The following PSMB3 variants were observed in gnomAD, a reference collection of about 807,000 sequenced individuals.
PSMB3 encodes the protein proteasome 20S subunit beta 3, also known as proteasome subunit beta type-3.
In PSMB3, 5 loss-of-function variants were observed where a neutral mutation model predicts 23.3. The observed-to-expected ratio is 0.21, with a 90% CI of 0.11 to 0.45. PSMB3 has a LOEUF of 0.45. PSMB3 is among the 20% of genes least tolerant of loss of function. The pLI is 0.99. For missense variants in PSMB3, 192 were observed against 277.9 expected (o/e 0.69, Z 2.20); for synonymous variants, 85 against 99.8 (o/e 0.85, Z 0.88).
At chr17:38,755,829 G>C in intron 2 of PSMB3, 54 bp from the exon 3 acceptor site, 1 of 1,453,728 alleles carries the variant, frequency 6.9e-7, no homozygotes. Flanking sequence ...CAACAGGGTA[G>C]ACACTCAGGA....
intron 2 of PSMB3, among the ~76,000 whole-genome samples, chr17:38,755,046 C>T (rs1908096357): frequency 6.7e-6 from 1 of 148,688 alleles, no homozygotes; most frequent in Non-Finnish European, 1.5e-5. Flanking sequence ...ATAAACTTAA[C>T]TCACTGCAAC....
chr17:38,763,214 C>A (rs1241769887), intron 5 of PSMB3, among the ~76,000 whole-genome samples: 1 of 151,940 alleles, frequency 6.6e-6, no homozygotes, highest in Non-Finnish European at 1.5e-5. Flanking sequence ...ATTAGCCAGA[C>A]GTGGTGTCAC....
Position 38,752,954 on chromosome 17 carries a change from C to A in PSMB3, c.3+125C>A. On this transcript the variant is annotated intron_variant, in intron 1 of 5. Coordinates refer to ENST00000619426, the MANE Select transcript of PSMB3 (RefSeq NM_002795.4). This position sits in a 1 kb window ranked among gnomAD's most constrained non-coding sequence, Gnocchi z 5.5. ...GGAAGCGGTTTCAGTTCGAGGGGAG[C>A]GGGCCCCGGTGAGGACCAAGAGGGT... 7.0e-7 allele frequency: 1 copy of A among 1,429,032 alleles called. No homozygotes were observed. The highest frequency in any genetic ancestry group is 9.6e-7 in the Non-Finnish European group (1 of 1,039,434). 88.5% of individuals were successfully genotyped at this position (1,429,032 alleles called of 1,614,324 possible). A position where few individuals can be genotyped will look rare whatever the true frequency, so the allele number is the denominator to read the frequency against.
chr17:38,760,286 G>GTGTAGA, intron 3 of PSMB3, 145 bp from the exon 4 acceptor site: 1 of 754,564 alleles, frequency 1.3e-6, no homozygotes, highest in Non-Finnish European at 2.1e-6. Flanking sequence ...GAGGGAGCTG[G>GTGTAGA]CCTCAGGGAA....
At chr17:38,760,273 G>A in intron 3 of PSMB3, 158 bp from the exon 4 acceptor site, 1 of 661,586 alleles carries the variant, frequency 1.5e-6, no homozygotes, top group Non-Finnish European at 2.5e-6. Context: ...GCAGGAGAAG[G>A]GAGAGGGAGC....
intron 3 of PSMB3, among the ~76,000 whole-genome samples, chr17:38,758,777 T>C (rs1456643060): frequency 6.6e-6 from 1 of 152,208 alleles, no homozygotes; most frequent in Non-Finnish European, 1.5e-5. Context: ...CCTGGAGCAT[T>C]GGCTCACGCC....
chr17:38,755,811 C>T, intron 2 of PSMB3, 72 bp from the exon 3 acceptor site: 2 of 1,297,114 alleles, frequency 1.5e-6, no homozygotes, highest in Non-Finnish European at 2.2e-6. Flanking sequence ...CTTATGTTTC[C>T]CTGACCTCAA....
intron 2 of PSMB3, among the ~76,000 whole-genome samples, chr17:38,755,631 G>A (rs1049411428): frequency 1.5e-5 from 2 of 134,274 alleles, no homozygotes; most frequent in Non-Finnish European, 3.1e-5. Context: ...CCTGGGCGAC[G>A]AGTGAGACTC....
At chr17:38,762,576 C>T in intron 5 of PSMB3, 71 bp downstream of exon 5, 1 of 1,429,260 alleles carries the variant, frequency 7.0e-7, no homozygotes. Flanking sequence ...CACGAGCATA[C>T]ACCCCATTTT....
intron 5 of PSMB3, among the ~76,000 whole-genome samples, chr17:38,763,019 T>A (rs1272887497): frequency 6.6e-6 from 1 of 152,184 alleles, no homozygotes; most frequent in African/African-American, 2.4e-5. Context: ...CATTGCAGGA[T>A]AAGCATTTGG....
intron 2 of PSMB3, among the ~76,000 whole-genome samples, 176 bp from the exon 3 acceptor site, chr17:38,755,707 T>C (rs567436340): frequency 1.0e-4 from 14 of 140,492 alleles, no homozygotes; most frequent in African/African-American, 2.6e-4. Context: ...TGTGTGTGTG[T>C]GTGTGTGTGC....
intron 3 of PSMB3, among the ~76,000 whole-genome samples, chr17:38,758,984 T>A: frequency 6.6e-6 from 1 of 152,212 alleles, no homozygotes; most frequent in South Asian, 2.1e-4. Flanking sequence ...AGGCAGAGCT[T>A]GCAGTGAGCC....
At chr17:38,754,853 C>T (rs1410791194) in intron 2 of PSMB3, among the ~76,000 whole-genome samples, 1 of 152,202 alleles carries the variant, frequency 6.6e-6, no homozygotes, top group East Asian at 1.9e-4. Context: ...TGGCATTGGT[C>T]TGCTCTATGC....
At chr17:38,757,831 T>C (rs1435851886) in intron 3 of PSMB3, among the ~76,000 whole-genome samples, 1 of 152,122 alleles carries the variant, frequency 6.6e-6, no homozygotes, top group Non-Finnish European at 1.5e-5. Context: ...AATTTTTTAA[T>C]TTTTAGTAGA....
chr17:38,755,002 C>CTTTTT (rs144817163), intron 2 of PSMB3, among the ~76,000 whole-genome samples: 5 of 147,754 alleles, frequency 3.4e-5, no homozygotes, highest in African/African-American at 4.9e-5. Flanking sequence ...GGTGCTGCCC[C>CTTTTT]CTTTTTTTTT....
intron 5 of PSMB3, 111 bp from the exon 6 acceptor site, chr17:38,764,008 C>G (rs1908568675): frequency 5.5e-6 from 7 of 1,268,656 alleles, no homozygotes; most frequent in Non-Finnish European, 7.9e-6. Flanking sequence ...GCTATTTGTT[C>G]TGCTCCCTTG....
At position 38,762,401 on chromosome 17, in the gene PSMB3, C is replaced by T; in HGVS notation, c.475-10C>T. On this transcript the variant is annotated splice_polypyrimidine_tract_variant and intron_variant, in intron 4 of 5. Coordinates refer to ENST00000619426, the MANE Select transcript of PSMB3 (RefSeq NM_002795.4). Reference sequence around the variant, plus strand: ...GGCTGTGGTTTGAAGGGGTTCCACTCTGTTGGCAGGATCCGGATCACCTGT... The same window carrying T: ...GGCTGTGGTTTGAAGGGGTTCCACTTTGTTGGCAGGATCCGGATCACCTGT... 6.2e-7 allele frequency: 1 copy of T among 1,612,680 alleles called. No homozygotes were observed. Among genetic ancestry groups the T allele is most frequent in the Non-Finnish European group, 8.5e-7 (1 of 1,178,640 alleles).
At position 38,762,475 on chromosome 17, in the gene PSMB3, T is replaced by C; in HGVS notation, c.539T>C (p.Val180Ala). The stretch of plus-strand genomic sequence containing the variant: ...CTGAATGCTGTGGACCGGGATGCAG[T>C]GTCAGGCATGGGAGTCATTGTCCAC... ...AMLNAVDRDAVSGMGVIVHII... is the reference protein window; with the variant it reads ...AMLNAVDRDAASGMGVIVHII... Residue 180 changes from valine to alanine, a missense_variant, in exon 5 of 6, where the codon GTG (valine) becomes GCG (alanine). Transcript: ENST00000619426. 1 of 1,614,134 alleles carries C rather than the reference T, an allele frequency of 6.2e-7. No individual in the cohort carries two copies. The highest frequency in any genetic ancestry group is 1.1e-5 in the South Asian group (1 of 91,084).
chr17:38,763,968 C>T (rs922910895), intron 5 of PSMB3, 151 bp from the exon 6 acceptor site: 10 of 760,814 alleles, frequency 1.3e-5, no homozygotes, highest in Non-Finnish European at 2.0e-5. Flanking sequence ...TGAACTAGAG[C>T]AGGATAGTTA....
Sources: allele counts gnomAD v4.1 joint callset (sites outside exome capture counted in the v4.1 genomes callset), GRCh38; gene constraint gnomAD v4.1.1; non-coding constraint Gnocchi (gnomAD v3.1); transcripts MANE v1.5; gene names NCBI Gene and HGNC (gene_info 2026-07-23, HGNC 2026-07-21).